PCDHGB1: variants seen among roughly 807,000 people sequenced by gnomAD.
The protein encoded by PCDHGB1 is protocadherin gamma-B1.
In PCDHGB1, 34 loss-of-function variants were observed where a neutral mutation model predicts 56.6. That is an observed-to-expected ratio of 0.60 (90% CI 0.46 to 0.80). The LOEUF (loss-of-function observed/expected upper bound fraction) is 0.80. Among genes scored for constraint, PCDHGB1 ranks in the 30% least tolerant of loss-of-function variants. The pLI, the probability that PCDHGB1 is intolerant of heterozygous loss-of-function variation, is 0.00. For missense variants in PCDHGB1, 1,278 were observed against 1,204.6 expected (o/e 1.06, Z -0.90); for synonymous variants, 561 against 505.9 (o/e 1.11, Z -1.46).
At chr5:141,455,842 C>T (rs1224197325) in intron 1 of PCDHGB1, among the ~76,000 whole-genome samples, 1 of 150,876 alleles carries the variant, frequency 6.6e-6, no homozygotes, top group Non-Finnish European at 1.5e-5. Context: ...TGTCTATCTG[C>T]ATAAAATAAT....
chr5:141,360,748 C>T (rs1352122566), intron 1 of PCDHGB1: 10 of 1,613,928 alleles, frequency 6.2e-6, no homozygotes, highest in Non-Finnish European at 8.5e-6. Context: ...CAGAGAAGAG[C>T]ACAGTTTACA....
intron 1 of PCDHGB1, among the ~76,000 whole-genome samples, chr5:141,475,007 G>A (rs1017671344): frequency 2.0e-5 from 3 of 152,178 alleles, no homozygotes; most frequent in East Asian, 1.9e-4. Flanking sequence ...ATGCAGAAAA[G>A]TTAAGGCTCT....
At chr5:141,434,553 G>T (rs1203568173) in intron 1 of PCDHGB1, among the ~76,000 whole-genome samples, 1 of 152,202 alleles carries the variant, frequency 6.6e-6, no homozygotes, top group Admixed American at 6.5e-5. Flanking sequence ...AGTGATCTGT[G>T]CCTTAAGGAC....
At chr5:141,478,845 A>G in intron 1 of PCDHGB1, 2 of 1,389,784 alleles carry the variant, frequency 1.4e-6, no homozygotes, top group Non-Finnish European at 9.5e-7. Flanking sequence ...TGGTTAAGCT[A>G]AAACACAAGA....
At chr5:141,377,813 T>C (rs1254239547) in intron 1 of PCDHGB1, 2 of 152,194 alleles carry the variant, frequency 1.3e-5, no homozygotes, top group African/African-American at 2.4e-5. Flanking sequence ...TGTTATTTAC[T>C]TGGGCCAGTT....
chr5:141,480,429 T>C (rs72790066), intron 1 of PCDHGB1, among the ~76,000 whole-genome samples: 4 of 151,864 alleles, frequency 2.6e-5, no homozygotes, highest in African/African-American at 9.7e-5. Flanking sequence ...AAAAAAATTA[T>C]CAGCTATTAC....
intron 1 of PCDHGB1, chr5:141,395,849 C>G (rs1173151406): frequency 6.6e-6 from 1 of 152,094 alleles, no homozygotes; most frequent in African/African-American, 2.4e-5. Flanking sequence ...GGAGATGAGA[C>G]TGGTTACTAA....
chr5:141,392,366 G>C (rs956315393), intron 1 of PCDHGB1: 4 of 152,962 alleles, frequency 2.6e-5, no homozygotes, highest in East Asian at 1.9e-4. Context: ...GCTACAATCT[G>C]ATCATTCTGA....
At position 141,498,920 on chromosome 5, in the gene PCDHGB1, G is replaced by A. The variant is rs930391165; in HGVS notation, c.2468+4055G>A. On this transcript the variant is annotated intron_variant, in intron 2 of 3. Transcript: ENST00000523390. ...TGCACTCCAGTCTGGGTGACAGAGC[G>A]AGACTCCATCAGGAAAGAAAGAAAG... 3.3e-4 allele frequency among the ~76,000 whole-genome samples: 47 copies of A among 142,950 alleles called. 1 individual carries two copies. Among genetic ancestry groups the A allele is most frequent in the African/African-American group, 8.9e-4 (35 of 39,160 alleles). The allele number at this position is 142,950 out of a possible 152,430, so 93.8% of individuals were successfully genotyped here. A position where few individuals can be genotyped will look rare whatever the true frequency, so the allele number is the denominator to read the frequency against.
At chr5:141,414,957 G>A in intron 1 of PCDHGB1, 7 of 1,614,018 alleles carry the variant, frequency 4.3e-6, no homozygotes, top group Non-Finnish European at 3.4e-6. Flanking sequence ...TGGTGACCAA[G>A]GTGGTGGCGG....
Position 141,486,683 on chromosome 5 carries a change from G to T in PCDHGB1, c.2410-8124G>T. The T allele has an allele frequency of 6.2e-7, 1 of 1,614,092 alleles. No homozygotes were observed. Among genetic ancestry groups the T allele is most frequent in the Non-Finnish European group, 8.5e-7 (1 of 1,180,026 alleles). ...GGAGCCCAGGAATCGAGATGTATCA[G>T]CTTCCTCTTTCATCTCTCTGAACCC... On this transcript the variant is annotated intron_variant, in intron 1 of 3. Transcript: ENST00000523390. This position sits in a 1 kb window ranked among gnomAD's most constrained non-coding sequence, Gnocchi z 5.0.
intron 1 of PCDHGB1, chr5:141,400,610 T>C (rs1561677991): frequency 3.2e-6 from 5 of 1,573,090 alleles, no homozygotes; most frequent in Non-Finnish European, 4.4e-6. Flanking sequence ...TCAAGTCCAA[T>C]GAGTTGTCTT....
chr5:141,390,544 G>A, intron 1 of PCDHGB1: 1 of 505,664 alleles, frequency 2.0e-6, no homozygotes, highest in Non-Finnish European at 3.5e-6. Flanking sequence ...ACCACAAAGT[G>A]AAAGTGTTAG....
chr5:141,410,158 G>A (rs755466762), intron 1 of PCDHGB1: 1 of 1,613,398 alleles, frequency 6.2e-7, no homozygotes, highest in Admixed American at 1.7e-5. Flanking sequence ...GTGGACAGCC[G>A]CCACTCTCTG....
At chr5:141,469,885 C>A (rs1464434089) in intron 1 of PCDHGB1, among the ~76,000 whole-genome samples, 3 of 152,204 alleles carry the variant, frequency 2.0e-5, no homozygotes, top group African/African-American at 4.8e-5. Context: ...AATCTCGGCA[C>A]TTTGGGAAGC....
chr5:141,495,069 T>G (rs1179878936), intron 2 of PCDHGB1, among the ~76,000 whole-genome samples: 1 of 152,142 alleles, frequency 6.6e-6, no homozygotes, highest in African/African-American at 2.4e-5. Flanking sequence ...GGAAGCTCAA[T>G]TCACATGCTT....
Position 141,511,334 on chromosome 5 carries a change from C to A in PCDHGB1, c.*161C>A. 7.0e-7 allele frequency: 1 copy of A among 1,438,700 alleles called. No homozygotes were observed. Among genetic ancestry groups the A allele is most frequent in the Non-Finnish European group, 9.2e-7 (1 of 1,083,314 alleles). 89.1% of individuals were successfully genotyped at this position (1,438,700 alleles called of 1,614,324 possible). On this transcript the variant is annotated 3_prime_UTR_variant, in exon 4 of 4. Coordinates refer to ENST00000523390, the MANE Select transcript of PCDHGB1 (RefSeq NM_018922.3). ...GAAACAGAAACAAGTGCCCAGTCAG[C>A]ACCTACCCCTTCCCCCCCAGGGGGT...
chr5:141,358,600 A>T (rs1210662603), intron 1 of PCDHGB1, among the ~76,000 whole-genome samples: 1 of 152,208 alleles, frequency 6.6e-6, no homozygotes. Context: ...CACTCCTGTG[A>T]TTATGAGAAA....
intron 1 of PCDHGB1, among the ~76,000 whole-genome samples, chr5:141,449,909 A>G (rs2098658849): frequency 6.6e-6 from 1 of 151,828 alleles, no homozygotes; most frequent in Non-Finnish European, 1.5e-5. Context: ...TATAGTCCAT[A>G]TTTAAATTCT....
Sources: gnomAD v4.1 joint callset for allele counts (sites outside exome capture counted in the v4.1 genomes callset) on GRCh38, gnomAD v4.1.1 for gene constraint, Gnocchi (gnomAD v3.1) non-coding constraint, MANE v1.5 for transcripts, NCBI Gene and HGNC (gene_info 2026-07-23, HGNC 2026-07-21) for gene names.